Variants in DLG2 observed in about 807,000 individuals in gnomAD.
DLG2 encodes the protein disks large homolog 2.
A neutral mutation model predicts 132.5 loss-of-function variants in DLG2; 45 were observed. That is an observed-to-expected ratio of 0.34 (90% CI 0.27 to 0.44). The LOEUF (loss-of-function observed/expected upper bound fraction) is 0.44. DLG2 is among the 20% of genes least tolerant of loss of function. The probability of loss-of-function intolerance (pLI) is 1.00; values close to 1 mark genes in which losing one functional copy is unlikely to be tolerated. For synonymous variants in DLG2, 424 were observed against 419.6 expected (o/e 1.01, Z -0.13); for missense variants, 1,045 against 1,196.9 (o/e 0.87, Z 1.87).
intron 19 of DLG2, among the ~76,000 whole-genome samples, chr11:83,603,433 T>C (rs2058864653): frequency 6.6e-6 from 1 of 152,206 alleles, no homozygotes; most frequent in African/African-American, 2.4e-5. Context: ...TACATTGTTA[T>C]CTTTAGATTT....
At chr11:83,613,996 A>G (rs1354912233) in intron 19 of DLG2, among the ~76,000 whole-genome samples, 2 of 148,372 alleles carry the variant, frequency 1.3e-5, no homozygotes, top group Non-Finnish European at 3.0e-5. Flanking sequence ...TAAAGCAGAG[A>G]GGCAGCTAGT....
intron 8 of DLG2, among the ~76,000 whole-genome samples, chr11:84,223,838 G>A (rs932354151): frequency 6.6e-6 from 1 of 152,144 alleles, no homozygotes; most frequent in African/African-American, 2.4e-5. Flanking sequence ...TTACAGGCAG[G>A]AGCCAGTGCA....
chr11:84,170,346 C>CT (rs1389078862), intron 8 of DLG2, among the ~76,000 whole-genome samples: 1 of 152,098 alleles, frequency 6.6e-6, no homozygotes, highest in Non-Finnish European at 1.5e-5. Flanking sequence ...TACTTAGTAC[C>CT]TATCATGTAC....
intron 11 of DLG2, among the ~76,000 whole-genome samples, chr11:84,004,837 T>A (rs1470481702): frequency 1.3e-5 from 2 of 150,922 alleles, no homozygotes; most frequent in East Asian, 3.9e-4. Context: ...ATAATTAAAA[T>A]GAGCTAACTT....
chr11:84,945,800 G>T (rs186703967), intron 6 of DLG2, among the ~76,000 whole-genome samples: 18 of 152,022 alleles, frequency 1.2e-4, no homozygotes, highest in Non-Finnish European at 1.5e-5. Flanking sequence ...CGTCCACTGG[G>T]ATCCAGGATC....
intron 18 of DLG2, among the ~76,000 whole-genome samples, chr11:83,643,276 A>G (rs1001469907): frequency 1.3e-5 from 2 of 152,196 alleles, no homozygotes; most frequent in African/African-American, 4.8e-5. Context: ...CACAAAGGGC[A>G]TCATGCATGA....
chr11:83,863,771 G>A (rs1234758741), intron 16 of DLG2, among the ~76,000 whole-genome samples: 7 of 152,088 alleles, frequency 4.6e-5, no homozygotes, highest in African/African-American at 2.4e-5. Flanking sequence ...AGTAATTGCG[G>A]AGCCAGAATT....
At chr11:83,868,714 C>A (rs2062865222) in intron 16 of DLG2, among the ~76,000 whole-genome samples, 1 of 150,226 alleles carries the variant, frequency 6.7e-6, no homozygotes, top group African/African-American at 2.4e-5. Context: ...ACCCTAGCAA[C>A]TAACAGCTTA....
At chr11:84,418,161 G>A (rs528528527) in intron 7 of DLG2, among the ~76,000 whole-genome samples, 5 of 152,160 alleles carry the variant, frequency 3.3e-5, no homozygotes, top group East Asian at 1.9e-4. Flanking sequence ...GCTACCATAC[G>A]GCAGCACAAT....
intron 9 of DLG2, among the ~76,000 whole-genome samples, chr11:84,157,295 T>A (rs79829661): frequency 0.016 from 2,468 of 152,264 alleles, 64 homozygotes; most frequent in African/African-American, 0.057. Flanking sequence ...CACCCAAGCA[T>A]GTGTGTATTT....
chr11:85,192,036 TAGAA>T (rs1435436704), intron 4 of DLG2, among the ~76,000 whole-genome samples: 2 of 152,130 alleles, frequency 1.3e-5, no homozygotes, highest in African/African-American at 2.4e-5. Flanking sequence ...TTTACATAAA[TAGAA>T]AGGAGTTGAA....
intron 6 of DLG2, among the ~76,000 whole-genome samples, chr11:84,563,683 T>C (rs895566708): frequency 6.6e-6 from 1 of 152,108 alleles, no homozygotes; most frequent in African/African-American, 2.4e-5. Flanking sequence ...TGGCTTTGAG[T>C]TCAAGAAAGT....
intron 19 of DLG2, among the ~76,000 whole-genome samples, chr11:83,622,445 A>G (rs1300273780): frequency 6.6e-6 from 1 of 152,194 alleles, no homozygotes; most frequent in Non-Finnish European, 1.5e-5. Context: ...ATCACAACTC[A>G]TTAGGGACTC....
rs892318378 is a variant in DLG2, at chr11:85,005,847, G to A, written c.357+105814C>T. On this transcript the variant is annotated intron_variant, in intron 6 of 27. Transcript: ENST00000376104. ...CTTCCAGTTTTTGCCCATTCAGTAT[G>A]ATATTGGCTATGGGTCTGTCATACA... Among the ~76,000 whole-genome samples the A allele has an allele frequency of 2.6e-5, 4 of 152,126 alleles. 1 individual carries two copies. The highest frequency in any genetic ancestry group is 2.6e-4 in the Admixed American group (4 of 15,270).
chr11:85,004,529 T>C (rs1222230742), intron 6 of DLG2, among the ~76,000 whole-genome samples: 1 of 152,204 alleles, frequency 6.6e-6, no homozygotes, highest in Non-Finnish European at 1.5e-5. Flanking sequence ...TTCTGAGAAG[T>C]GTCTGTTCAT....
chr11:84,870,400 C>T (rs1170247780), intron 6 of DLG2, among the ~76,000 whole-genome samples: 1 of 152,132 alleles, frequency 6.6e-6, no homozygotes, highest in Non-Finnish European at 1.5e-5. Context: ...TAACAAGTGA[C>T]CTAGAGGAAG....
At chr11:85,410,859 A>G (rs2089248982) in intron 3 of DLG2, among the ~76,000 whole-genome samples, 1 of 151,730 alleles carries the variant, frequency 6.6e-6, no homozygotes, top group Admixed American at 6.6e-5. Context: ...TAAAAACTAA[A>G]ACAGCCACCC....
In DLG2 at chr11:84,265,710, T is replaced by C. The variant is rs138405180; in HGVS notation, c.520-14419A>G. ...GGAAGATAGGTAGTAGTAGTAGTAG[T>C]AGAGGTAGTCTTAGCAGCAGCAGCA... is the stretch of plus-strand genomic sequence containing the variant. On this transcript the variant is annotated intron_variant, in intron 7 of 27. Transcript: ENST00000376104. Among the ~76,000 whole-genome samples, 145 of 152,252 alleles carry C rather than the reference T, an allele frequency of 9.5e-4. 2 individuals carry two copies. The highest frequency in any genetic ancestry group is 3.4e-3 in the Middle Eastern group (1 of 294).
At chr11:83,542,445 T>C (rs1408767659) in intron 19 of DLG2, among the ~76,000 whole-genome samples, 1 of 152,172 alleles carries the variant, frequency 6.6e-6, no homozygotes, top group African/African-American at 2.4e-5. Context: ...GAATACATGC[T>C]TAAAATGCAG....
Sources: gnomAD v4.1 joint callset for allele counts (sites outside exome capture counted in the v4.1 genomes callset) on GRCh38, gnomAD v4.1.1 for gene constraint, MANE v1.5 for transcripts, NCBI Gene and HGNC (gene_info 2026-07-23, HGNC 2026-07-21) for gene names.